Variants in C4orf54 observed in about 807,000 individuals in gnomAD.
C4orf54 encodes uncharacterized protein C4orf54.
A neutral mutation model predicts 80.1 loss-of-function variants in C4orf54; 67 were observed. The observed-to-expected ratio is 0.84, with a 90% CI of 0.69 to 1.03. C4orf54 has a LOEUF of 1.03. Among genes scored for constraint, C4orf54 ranks in the 50% least tolerant of loss-of-function variants. The pLI, the probability that C4orf54 is intolerant of heterozygous loss-of-function variation, is 0.00. For missense variants in C4orf54, 2,434 were observed against 2,253.5 expected (o/e 1.08, Z -1.62); for synonymous variants, 1,000 against 917.0 (o/e 1.09, Z -1.64).
Position 99,639,367 on chromosome 4 carries a change from C to T in C4orf54, c.*1866G>A, listed in dbSNP as rs573415658. ...ATACCCAGCCAATCTCTCCTGAAAA[C>T]GAGGAAGCTCTGATGCCATAAGATT... On this transcript the variant is annotated 3_prime_UTR_variant, in exon 3 of 3. Coordinates refer to ENST00000511828, the MANE Select transcript of C4orf54 (RefSeq NM_001354435.2). 2.0e-5 allele frequency: 3 copies of T among 152,024 alleles called. No individual in the cohort carries two copies. The highest frequency in any genetic ancestry group is 4.8e-5 in the African/African-American group (2 of 41,424). 9.4% of individuals were successfully genotyped at this position (152,024 alleles called of 1,614,324 possible).
chr4:99,657,248 A>G (rs1366727535), intron 1 of C4orf54, among the ~76,000 whole-genome samples: 1 of 152,240 alleles, frequency 6.6e-6, no homozygotes, highest in Non-Finnish European at 1.5e-5. Flanking sequence ...TCTAAGGAGG[A>G]ATTTTCCAGC....
At position 99,650,579 on chromosome 4, in the gene C4orf54, G is replaced by A. The variant is rs1271901405; in HGVS notation, c.4070C>T (p.Ala1357Val). The A allele has an allele frequency of 5.2e-6, 8 of 1,535,930 alleles. No individual in the cohort carries two copies. The highest frequency in any genetic ancestry group is 1.7e-4 in the Middle Eastern group (1 of 6,012). Reference protein sequence around the residue: ...PSAESVSARAAAFENLARERP... With the variant: ...PSAESVSARAVAFENLARERP... The stretch of plus-strand genomic sequence containing the variant: ...TTCCCTGGCCAGGTTCTCAAAGGCC[G>A]CTGCCCTGGCAGACACACTCTCAGC... The change falls in exon 2 of 3, where the codon GCG becomes GTG. Residue 1357 changes from alanine (A) to valine (V), a missense_variant. Coordinates refer to ENST00000511828, the MANE Select transcript of C4orf54 (RefSeq NM_001354435.2).
At position 99,651,612 on chromosome 4, in the gene C4orf54, C is replaced by T; in HGVS notation, c.3037G>A (p.Ala1013Thr). 1.3e-6 allele frequency: 2 copies of T among 1,536,122 alleles called. No homozygotes were observed. The highest frequency in any genetic ancestry group is 1.7e-6 in the Non-Finnish European group (2 of 1,146,900). The change falls in exon 2 of 3, where the codon GCT becomes ACT. Residue 1013 changes from alanine (A) to threonine (T), a missense_variant. Physicochemically the swap from Ala to Thr is moderately conservative, Grantham distance 58. Transcript: ENST00000511828. Reference protein sequence around the residue: ...QPRKQATKYPAAQATSTAVIR... With the variant: ...QPRKQATKYPTAQATSTAVIR... ...ACCGCTGTGGAGGTGGCCTGAGCAG[C>T]AGGGTACTTGGTGGCCTGCTTCCTC...
In C4orf54 at chr4:99,651,369, C is replaced by T. The variant is rs1371965067; in HGVS notation, c.3280G>A (p.Asp1094Asn). 6.5e-7 allele frequency: 1 copy of T among 1,536,204 alleles called. No individual in the cohort carries two copies. The highest frequency in any genetic ancestry group is 2.0e-5 in the Admixed American group (1 of 50,996). Reference protein sequence around the residue: ...VPHFQVRDIRDKSKAQGPLHQ... With the variant: ...VPHFQVRDIRNKSKAQGPLHQ... ...AGGGGGCCTTGAGCCTTGGACTTGTCTCTGATGTCTCTCACCTGGAAATGG... is the reference window on the plus strand; with the variant it reads ...AGGGGGCCTTGAGCCTTGGACTTGTTTCTGATGTCTCTCACCTGGAAATGG... The change falls in exon 2 of 3, where the codon GAC becomes AAC. Residue 1094 changes from aspartate (D) to asparagine (N), a missense_variant. By Grantham distance (23) the Asp-to-Asn change is conservative. Transcript: ENST00000511828.
Position 99,652,739 on chromosome 4 carries a change from G to A in C4orf54, c.1910C>T (p.Pro637Leu), listed in dbSNP as rs1340576638. ...TSRAFRSLAY[P>L]YFEALNISSR... The stretch of plus-strand genomic sequence containing the variant: ...GCTGATGTTCAGAGCCTCAAAGTAG[G>A]GGTAAGCCAGGCTCCGGAAGGCCCG... The change falls in exon 2 of 3, where the codon CCC becomes CTC. Residue 637 changes from proline (P) to leucine (L), a missense_variant. Coordinates refer to ENST00000511828, the MANE Select transcript of C4orf54 (RefSeq NM_001354435.2). The A allele has an allele frequency of 1.3e-6, 2 of 1,535,912 alleles. No homozygotes were observed. Among genetic ancestry groups the A allele is most frequent in the Admixed American group, 2.0e-5 (1 of 50,984 alleles).
At position 99,653,564 on chromosome 4, in the gene C4orf54, A is replaced by G; in HGVS notation, c.1085T>C (p.Val362Ala). Residue 362 changes from valine to alanine, a missense_variant, in exon 2 of 3, where the codon GTC becomes GCC. Val to Ala is a moderately conservative substitution (Grantham distance 64). Coordinates refer to ENST00000511828, the MANE Select transcript of C4orf54 (RefSeq NM_001354435.2). ...KSQGSRDPPK[V>A]EEAHYITTHE... ...GGTGGTGATGTAGTGAGCCTCTTCGACTTTGGGGGGGTCCCTGCTGCCCTG... is the reference window on the plus strand; with the variant it reads ...GGTGGTGATGTAGTGAGCCTCTTCGGCTTTGGGGGGGTCCCTGCTGCCCTG... The G allele has an allele frequency of 6.5e-7, 1 of 1,535,682 alleles. No individual in the cohort carries two copies. The highest frequency in any genetic ancestry group is 8.7e-7 in the Non-Finnish European group (1 of 1,146,810).
intron 1 of C4orf54, among the ~76,000 whole-genome samples, chr4:99,655,544 A>G (rs947276471): frequency 2.0e-5 from 3 of 152,226 alleles, no homozygotes; most frequent in Admixed American, 1.3e-4. Context: ...TGCGGCTTGG[A>G]GGGAGATTCA....
rs1305060696 is a variant in C4orf54, at chr4:99,653,451, T to A, written c.1198A>T (p.Ile400Phe). The A allele has an allele frequency of 3.3e-6, 5 of 1,536,124 alleles. No individual in the cohort carries two copies. Among genetic ancestry groups the A allele is most frequent in the Middle Eastern group, 1.7e-4 (1 of 5,990 alleles). The change falls in exon 2 of 3, where the codon ATC (isoleucine) becomes TTC (phenylalanine). Residue 400 changes from isoleucine to phenylalanine, a missense_variant. Physicochemically the swap from Ile to Phe is conservative, Grantham distance 21 (BLOSUM62 0). Coordinates refer to ENST00000511828, the MANE Select transcript of C4orf54 (RefSeq NM_001354435.2). ...GAAGCATAATCCACGAACGAGTAGA[T>A]CACGTTGTTGTCCTCGAAATCCCAG... ...SRWDFEDNNVIYSFVDYASFG... is the reference protein window; with the variant it reads ...SRWDFEDNNVFYSFVDYASFG...
chr4:99,645,009 A>G (rs1436375238), intron 2 of C4orf54, among the ~76,000 whole-genome samples: 1 of 152,010 alleles, frequency 6.6e-6, no homozygotes, highest in Non-Finnish European at 1.5e-5. Flanking sequence ...AGAAATGGAC[A>G]AGAAGAAGAA....
In C4orf54 at chr4:99,651,150, C is replaced by T. The variant is rs1452675945; in HGVS notation, c.3499G>A (p.Asp1167Asn). Residue 1167 changes from aspartate (D) to asparagine (N), a missense_variant, in exon 2 of 3, where the codon GAC (aspartate) becomes AAC (asparagine). Coordinates refer to ENST00000511828, the MANE Select transcript of C4orf54 (RefSeq NM_001354435.2). ...AVVNQREDSM[D>N]REPRESMGKG... is the part of the protein sequence containing the mutation. ...CCCATGCTTTCCCTGGGCTCTCGGT[C>T]CATGCTGTCTTCCCTCTGGTTCACT... is the stretch of plus-strand genomic sequence containing the variant. 1 of 1,536,166 alleles carries T rather than the reference C, an allele frequency of 6.5e-7. No homozygotes were observed. The highest frequency in any genetic ancestry group is 2.0e-5 in the Admixed American group (1 of 51,002).
In C4orf54 at chr4:99,654,086, G is replaced by C. The variant is rs1726931396; in HGVS notation, c.563C>G (p.Ser188Cys). ...LWPLPKPSASSQREAKYVDMC... is the reference protein window; with the variant it reads ...LWPLPKPSASCQREAKYVDMC... Reference sequence around the variant, plus strand: ...GTCCACATATTTCGCTTCTCGCTGGGAGGAGGCTGAAGGCTTGGGAAGTGG... The same window carrying C: ...GTCCACATATTTCGCTTCTCGCTGGCAGGAGGCTGAAGGCTTGGGAAGTGG... Residue 188 changes from serine (S) to cysteine (C), a missense_variant, in exon 2 of 3, where the codon TCC (serine) becomes TGC (cysteine). Transcript: ENST00000511828. 1 of 1,536,166 alleles carries C rather than the reference G, an allele frequency of 6.5e-7. No individual in the cohort carries two copies. The highest frequency in any genetic ancestry group is 8.7e-7 in the Non-Finnish European group (1 of 1,146,920).
Position 99,651,989 on chromosome 4 carries a change from TC to T in C4orf54, c.2659del (p.Glu887ArgfsTer75). The T allele has an allele frequency of 1.3e-6, 2 of 1,536,052 alleles. 1 individual carries two copies. Among genetic ancestry groups the T allele is most frequent in the South Asian group, 2.4e-5 (2 of 84,058 alleles). Reference protein sequence around the residue: ...TVVSMSDAGGEGSVAGSKSPV... With the variant: ...TVVSMSDAGGXGSVAGSKSPV... ...AGATTTGGAGCCCGCCACGGACCCC[TC>T]CCCGCCCGCGTCGGACATGCTGACC... On this transcript the variant is annotated frameshift_variant, in exon 2 of 3. Transcript: ENST00000511828. LOFTEE classifies it high-confidence loss of function.
In C4orf54 at chr4:99,652,353, G is replaced by A; in HGVS notation, c.2296C>T (p.Pro766Ser). The A allele has an allele frequency of 2.0e-6, 3 of 1,536,072 alleles. No individual in the cohort carries two copies. The highest frequency in any genetic ancestry group is 2.4e-5 in the South Asian group (2 of 84,056). ...VRSESKASSA[P>S]GPGRATKGPG... is the part of the protein sequence containing the mutation. ...CCTTTGGTGGCCCTGCCGGGCCCAG[G>A]GGCCGAGCTGGCTTTGCTCTCACTG... Residue 766 changes from proline (P) to serine (S), a missense_variant, in exon 2 of 3, where the codon CCT becomes TCT. Pro to Ser is a moderately conservative substitution (Grantham distance 74). Transcript: ENST00000511828.
chr4:99,645,267 T>A (rs905221401), intron 2 of C4orf54, among the ~76,000 whole-genome samples: 6 of 152,046 alleles, frequency 3.9e-5, no homozygotes, highest in African/African-American at 1.4e-4. Context: ...AATCCAGCCC[T>A]TGCTCTTGCT....
At position 99,655,211 on chromosome 4, in the gene C4orf54, G is replaced by A. The variant is rs544377328; in HGVS notation, c.-31-532C>T. ...GTTCAAAATAGAAGAATCTCTCCTA[G>A]AATCCTTACTGTGGTGACTCAAAGT... On this transcript the variant is annotated intron_variant, in intron 1 of 2. Coordinates refer to ENST00000511828, the MANE Select transcript of C4orf54 (RefSeq NM_001354435.2). Among the ~76,000 whole-genome samples, 3 of 152,224 alleles carry A rather than the reference G, an allele frequency of 2.0e-5. No homozygotes were observed. In the South Asian group the frequency reaches 6.2e-4, roughly 32 times the overall value.
In C4orf54 at chr4:99,652,832, G is replaced by C. The variant is rs1210533331; in HGVS notation, c.1817C>G (p.Ser606Cys). 6.5e-7 allele frequency: 1 copy of C among 1,536,120 alleles called. No homozygotes were observed. The highest frequency in any genetic ancestry group is 1.7e-4 in the Middle Eastern group (1 of 5,990). The change falls in exon 2 of 3, where the codon TCC becomes TGC. Residue 606 changes from serine to cysteine, a missense_variant. Physicochemically the swap from Ser to Cys is moderately radical, Grantham distance 112 (BLOSUM62 -1). Transcript: ENST00000511828. ...GCTCACGGCACTGGAGGCTCCGCTG[G>C]AGTAGTCCACCAGCTCCTTCGCCCG... ...AIRAKELVDY[S>C]SGASSAVSEL...
intron 1 of C4orf54, among the ~76,000 whole-genome samples, chr4:99,654,943 C>T (rs72908752): frequency 0.019 from 2,917 of 152,234 alleles, 82 homozygotes; most frequent in African/African-American, 0.066. Flanking sequence ...AAATGGTTCC[C>T]CCCACTTGTT....
rs1726792069 is a variant in C4orf54 at position 99,650,485 on chromosome 4, G to C, written c.4164C>G (p.Leu1388=). 1 of 1,536,146 alleles carries C rather than the reference G, an allele frequency of 6.5e-7. No individual in the cohort carries two copies. The highest frequency in any genetic ancestry group is 2.0e-5 in the Admixed American group (1 of 50,998). Residue 1388 remains leucine (L), a synonymous_variant, in exon 2 of 3, where the codon CTC becomes CTG. Coordinates refer to ENST00000511828, the MANE Select transcript of C4orf54 (RefSeq NM_001354435.2). ...DVERTQPLQP[L]PPLPSNRNVF... is the part of the protein sequence containing the mutation. Reference sequence around the variant, plus strand: ...CGTTCCGGTTGCTGGGGAGTGGTGGGAGGGGCTGCAGGGGTTGGGTTCTCT... The same window carrying C: ...CGTTCCGGTTGCTGGGGAGTGGTGGCAGGGGCTGCAGGGGTTGGGTTCTCT...
rs1179969291 is a variant in C4orf54, at chr4:99,650,749, T to G, written c.3900A>C (p.Glu1300Asp). ...GGTCTCCATCAGCAACCACTACCCC[T>G]TCCCTCTCCTCACTGGCAATGAGCG... ...VLSLIASEER[E>D]GVVVADGDHD... is the part of the protein sequence containing the mutation. The change falls in exon 2 of 3, where the codon GAA becomes GAC. Residue 1300 changes from glutamate to aspartate, a missense_variant. Coordinates refer to ENST00000511828, the MANE Select transcript of C4orf54 (RefSeq NM_001354435.2). The G allele has an allele frequency of 3.3e-6, 5 of 1,535,948 alleles. No individual in the cohort carries two copies. Among genetic ancestry groups the G allele is most frequent in the Non-Finnish European group, 3.5e-6 (4 of 1,146,892 alleles).
Sources: allele counts gnomAD v4.1 joint callset (sites outside exome capture counted in the v4.1 genomes callset), GRCh38; gene constraint gnomAD v4.1.1; transcripts MANE v1.5; gene names NCBI Gene and HGNC (gene_info 2026-07-23, HGNC 2026-07-21).